The following CNTNAP3 variants were observed in gnomAD, a reference collection of about 807,000 sequenced individuals.
CNTNAP3 encodes contactin associated protein family member 3, also known as contactin-associated protein-like 3.
A neutral mutation model predicts 92.1 loss-of-function variants in CNTNAP3; 36 were observed. That is an observed-to-expected ratio of 0.39 (90% CI 0.30 to 0.52). The LOEUF is 0.52. CNTNAP3 is among the 20% of genes least tolerant of loss of function. The pLI is 0.76. For synonymous variants in CNTNAP3, 232 were observed against 422.3 expected, an observed-to-expected ratio of 0.55 and a Z score of 5.53; for missense variants, 534 against 1,069.6, an observed-to-expected ratio of 0.50 and a Z score of 6.98.
In CNTNAP3 at chr9:39,127,941, C is replaced by T. The variant is rs531392718; in HGVS notation, c.2080+4991G>A. 2.6e-3 allele frequency among the ~76,000 whole-genome samples: 401 copies of T among 152,180 alleles called. 1 individual carries two copies. Among genetic ancestry groups the T allele is most frequent in the Non-Finnish European group, 4.5e-3 (308 of 67,984 alleles). ...GCAACCTCTGCCTCCCAAGTTCAAGCGATTCTCCTGCCTCAGCCTCCTGAG... is the reference window on the plus strand; with the variant it reads ...GCAACCTCTGCCTCCCAAGTTCAAGTGATTCTCCTGCCTCAGCCTCCTGAG... On this transcript the variant is annotated intron_variant, in intron 13 of 23. Transcript: ENST00000297668.
chr9:39,084,194 G>GTTTTTTTTTTT (rs201621606), intron 21 of CNTNAP3, among the ~76,000 whole-genome samples: 2 of 116,878 alleles, frequency 1.7e-5, no homozygotes, highest in African/African-American at 3.2e-5. Flanking sequence ...TGCTCACCAA[G>GTTTTTTTTTTT]TTTTTTTTTT....
At chr9:39,145,905 C>T (rs7031958) in intron 10 of CNTNAP3, among the ~76,000 whole-genome samples, 1,837 of 137,528 alleles carry the variant, frequency 0.013, 54 homozygotes, top group African/African-American at 0.046. Context: ...CCCCCACATC[C>T]TTCTCCCTCT....
chr9:39,130,774 ATTACAGGCATGAGCC>A, intron 13 of CNTNAP3, among the ~76,000 whole-genome samples: 1 of 151,724 alleles, frequency 6.6e-6, no homozygotes, highest in East Asian at 1.9e-4. Context: ...AAGTGTTGGG[ATTACAGGCATGAGCC>A]ACCGTGCCCG....
At chr9:39,101,184 A>C (rs2117851641) in intron 17 of CNTNAP3, among the ~76,000 whole-genome samples, 1 of 149,082 alleles carries the variant, frequency 6.7e-6, no homozygotes. Flanking sequence ...GCCTCACTGC[A>C]CCTTAATAGA....
chr9:39,099,819 C>G, intron 18 of CNTNAP3, 92 bp downstream of exon 18: 1 of 1,514,172 alleles, frequency 6.6e-7, no homozygotes, highest in Non-Finnish European at 8.9e-7. Context: ...TCAATCTTAT[C>G]CTCTCTTTAT....
chr9:39,084,778 G>A (rs1826030272), intron 21 of CNTNAP3, among the ~76,000 whole-genome samples: 1 of 152,022 alleles, frequency 6.6e-6, no homozygotes, highest in African/African-American at 2.4e-5. Flanking sequence ...GTTGTTCAAA[G>A]TATAAAGTGT....
rs1333307209 is a variant in CNTNAP3 at position 39,068,682 on chromosome 9, C to T, written c.*5208G>A. 6.6e-6 allele frequency among the ~76,000 whole-genome samples: 1 copy of T among 152,306 alleles called. No homozygotes were observed. Among genetic ancestry groups the T allele is most frequent in the African/African-American group, 2.4e-5 (1 of 41,484 alleles). ...TCGCCGGTACTCTATCCTGCAATCT[C>T]TAGCCACCTTCGTGTACCTGAACTC... is the stretch of plus-strand genomic sequence containing the variant. On this transcript the variant is annotated 3_prime_UTR_variant, in exon 24 of 24. Coordinates refer to ENST00000297668, the MANE Select transcript of CNTNAP3 (RefSeq NM_033655.5).
At chr9:39,150,076 A>C (rs1821806884) in intron 9 of CNTNAP3, 99 bp from the exon 10 acceptor site, 3 of 796,362 alleles carry the variant, frequency 3.8e-6, no homozygotes, top group Non-Finnish European at 6.0e-6. Context: ...TTGTTTATGG[A>C]CATCGGTATG....
At chr9:39,107,641 C>G (rs545219256) in intron 15 of CNTNAP3, among the ~76,000 whole-genome samples, 1 of 152,176 alleles carries the variant, frequency 6.6e-6, no homozygotes, top group East Asian at 1.9e-4. Context: ...GAGAACACAG[C>G]TGATAACAAA....
intron 12 of CNTNAP3, among the ~76,000 whole-genome samples, chr9:39,138,625 C>T (rs137907653): frequency 1.4e-4 from 22 of 152,216 alleles, no homozygotes; most frequent in Non-Finnish European, 2.8e-4. Context: ...CTCCAACATT[C>T]ACTGTGAGAA....
At chr9:39,111,180 G>A (rs1013779299) in intron 14 of CNTNAP3, among the ~76,000 whole-genome samples, 1 of 152,060 alleles carries the variant, frequency 6.6e-6, no homozygotes, top group Admixed American at 6.6e-5. Context: ...TCTGTGGTGG[G>A]AACATTACAA....
chr9:39,164,803 AG>A (rs1822139934), intron 9 of CNTNAP3, among the ~76,000 whole-genome samples: 1 of 132,374 alleles, frequency 7.6e-6, no homozygotes, highest in Non-Finnish European at 1.6e-5. Flanking sequence ...CAGATATAAA[AG>A]CTTAATCTTT....
chr9:39,105,445 A>C (rs1826582362), intron 15 of CNTNAP3, among the ~76,000 whole-genome samples: 1 of 152,080 alleles, frequency 6.6e-6, no homozygotes, highest in Non-Finnish European at 1.5e-5. Context: ...ACAAACAAAC[A>C]AACAAACCAA....
rs539689251 is a variant in CNTNAP3, at chr9:39,071,432, T to C, written c.*2458A>G. Reference sequence around the variant, plus strand: ...ACAGAGATAAGCCTTCAATGTCACATGAACCACTCTATTTTTAATATTAGA... The same window carrying C: ...ACAGAGATAAGCCTTCAATGTCACACGAACCACTCTATTTTTAATATTAGA... On this transcript the variant is annotated 3_prime_UTR_variant, in exon 24 of 24. Coordinates refer to ENST00000297668, the MANE Select transcript of CNTNAP3 (RefSeq NM_033655.5). 1.2e-4 allele frequency among the ~76,000 whole-genome samples: 19 copies of C among 152,012 alleles called. No individual in the cohort carries two copies. In the East Asian group the frequency reaches 3.1e-3, roughly 25 times the overall value.
intron 13 of CNTNAP3, among the ~76,000 whole-genome samples, chr9:39,125,564 A>T (rs1036733179): frequency 2.0e-5 from 3 of 152,160 alleles, no homozygotes; most frequent in African/African-American, 7.2e-5. Flanking sequence ...AAAACCCATG[A>T]TCCACCTACA....
At chr9:39,244,424 TG>T (rs1822767062) in intron 2 of CNTNAP3, among the ~76,000 whole-genome samples, 1 of 74,486 alleles carries the variant, frequency 1.3e-5, no homozygotes, top group Non-Finnish European at 3.4e-5. Context: ...GAGCAGGAGG[TG>T]GGAAGTGAGA....
At chr9:39,105,614 C>A (rs1826585402) in intron 15 of CNTNAP3, among the ~76,000 whole-genome samples, 1 of 152,068 alleles carries the variant, frequency 6.6e-6, no homozygotes, top group African/African-American at 2.4e-5. Flanking sequence ...TTTAAGCTGA[C>A]ACCCATGCCT....
intron 12 of CNTNAP3, chr9:39,139,814 G>C (rs1821529807): frequency 1.3e-5 from 2 of 148,660 alleles, no homozygotes; most frequent in African/African-American, 5.0e-5. Flanking sequence ...GCGCAACCTT[G>C]GCTCACTGCA....
intron 15 of CNTNAP3, among the ~76,000 whole-genome samples, chr9:39,105,014 A>G (rs1297828473): frequency 6.6e-6 from 1 of 152,150 alleles, no homozygotes; most frequent in Non-Finnish European, 1.5e-5. Context: ...TTCTTCATCC[A>G]ATGGTTTTAC....
Sources: gnomAD v4.1 joint callset for allele counts (sites outside exome capture counted in the v4.1 genomes callset) on GRCh38, gnomAD v4.1.1 for gene constraint, MANE v1.5 for transcripts, NCBI Gene and HGNC (gene_info 2026-07-23, HGNC 2026-07-21) for gene names.